MSI2: variants seen among roughly 807,000 people sequenced by gnomAD.
The protein encoded by MSI2 is RNA-binding protein Musashi homolog 2.
In MSI2, 17 loss-of-function variants were observed where a neutral mutation model predicts 45.6. The ratio of observed to expected loss-of-function variants is 0.37; its 90% CI spans 0.26 to 0.56. The LOEUF is 0.56. Ranked by LOEUF, MSI2 falls within the 20% of genes least tolerant of loss-of-function variation. MSI2 has a pLI of 0.77. For missense variants in MSI2, 293 were observed against 444.2 expected (o/e 0.66, Z 3.06); for synonymous variants, 156 against 158.2 (o/e 0.99, Z 0.11).
chr17:57,529,744 A>C lies in MSI2; in HGVS notation c.454+20A>C, dbSNP rs746530645. ...ACAGAGGTAAGATTACCCCAGTGTA[A>C]GAGGGTTGCGTTCACCCTCTCCTGG... On this transcript the variant is annotated intron_variant, in intron 7 of 13. Transcript: ENST00000284073. The surrounding 1 kb of genome is among the most constrained non-coding windows in gnomAD (Gnocchi z 5.3). The C allele has an allele frequency of 6.2e-7, 1 of 1,608,318 alleles. No homozygotes were observed. Among genetic ancestry groups the C allele is most frequent in the Admixed American group, 1.7e-5 (1 of 58,528 alleles).
chr17:57,624,686 G>A (rs1908635311), intron 9 of MSI2, among the ~76,000 whole-genome samples: 1 of 152,132 alleles, frequency 6.6e-6, no homozygotes, highest in Non-Finnish European at 1.5e-5. Context: ...CCCTGTGGAG[G>A]TAGAGACAGT....
intron 7 of MSI2, among the ~76,000 whole-genome samples, chr17:57,559,269 G>A (rs1357214511): frequency 6.6e-6 from 1 of 152,216 alleles, no homozygotes; most frequent in Admixed American, 6.5e-5. Flanking sequence ...CATTTGGAAA[G>A]TTAATGCTAA....
intron 6 of MSI2, among the ~76,000 whole-genome samples, chr17:57,406,646 C>A (rs941175323): frequency 1.3e-5 from 2 of 150,830 alleles, no homozygotes; most frequent in Non-Finnish European, 3.0e-5. Context: ...AAGACTTATG[C>A]TTAGTCATTG....
chr17:57,493,403 C>T (rs1391505670), intron 6 of MSI2, among the ~76,000 whole-genome samples: 1 of 152,030 alleles, frequency 6.6e-6, no homozygotes, highest in Non-Finnish European at 1.5e-5. Flanking sequence ...TCACTTGCCA[C>T]CTCCCCTTCC....
chr17:57,282,228 A>G (rs1449388300), intron 5 of MSI2, among the ~76,000 whole-genome samples: 1 of 152,146 alleles, frequency 6.6e-6, no homozygotes, highest in Non-Finnish European at 1.5e-5. Flanking sequence ...AGAAGCACCC[A>G]CAGAGGCTTT....
intron 5 of MSI2, among the ~76,000 whole-genome samples, chr17:57,389,083 A>T (rs1442858213): frequency 6.6e-6 from 1 of 150,888 alleles, no homozygotes; most frequent in Non-Finnish European, 1.5e-5. Context: ...GATTCAAGCA[A>T]TTCTTCTGCC....
At chr17:57,313,892 C>G (rs1598107018) in intron 5 of MSI2, among the ~76,000 whole-genome samples, 2 of 152,278 alleles carry the variant, frequency 1.3e-5, no homozygotes, top group Non-Finnish European at 1.5e-5. Context: ...CGGGCAGTGT[C>G]CCAGAGGAGG....
At chr17:57,584,439 C>G (rs2088289235) in intron 7 of MSI2, among the ~76,000 whole-genome samples, 1 of 152,202 alleles carries the variant, frequency 6.6e-6, no homozygotes, top group Non-Finnish European at 1.5e-5. Flanking sequence ...GGCAGTGTAG[C>G]CGGGTGGGGT....
chr17:57,581,598 T>C (rs1278612901), intron 7 of MSI2, among the ~76,000 whole-genome samples: 1 of 152,188 alleles, frequency 6.6e-6, no homozygotes, highest in Non-Finnish European at 1.5e-5. Flanking sequence ...CTTGAGTCGC[T>C]GTCTCGTGAG....
At chr17:57,597,822 G>T (rs1223717227) in intron 8 of MSI2, among the ~76,000 whole-genome samples, 1 of 152,122 alleles carries the variant, frequency 6.6e-6, no homozygotes, top group African/African-American at 2.4e-5. Context: ...TTCTCTTTGG[G>T]TCCTGCTGGA....
intron 6 of MSI2, among the ~76,000 whole-genome samples, chr17:57,505,079 T>A (rs1200400929): frequency 6.6e-6 from 1 of 152,078 alleles, no homozygotes; most frequent in African/African-American, 2.4e-5. Context: ...TTGGGGTCAC[T>A]AGTTGAAATG....
intron 7 of MSI2, among the ~76,000 whole-genome samples, chr17:57,555,980 C>T (rs2087427464): frequency 6.6e-6 from 1 of 152,204 alleles, no homozygotes; most frequent in South Asian, 2.1e-4. Context: ...GGAGACCATG[C>T]CTCAGGCACT....
chr17:57,370,471 C>T (rs1248823279), intron 5 of MSI2, among the ~76,000 whole-genome samples: 1 of 152,140 alleles, frequency 6.6e-6, no homozygotes, highest in Non-Finnish European at 1.5e-5. Context: ...GGCTGCTGTC[C>T]CATCTGTGGC....
chr17:57,332,019 T>C (rs1001778066), intron 5 of MSI2, among the ~76,000 whole-genome samples: 7 of 152,048 alleles, frequency 4.6e-5, no homozygotes, highest in African/African-American at 1.4e-4. Flanking sequence ...AATTTAATAA[T>C]AGAAAAGTTT....
intron 5 of MSI2, among the ~76,000 whole-genome samples, chr17:57,383,868 C>T (rs565277817): frequency 4.9e-4 from 74 of 152,180 alleles, no homozygotes; most frequent in Admixed American, 1.8e-3. Flanking sequence ...ACTGCCAGGT[C>T]ACTCCACGGC....
chr17:57,577,294 G>T (rs1271685771), intron 7 of MSI2, among the ~76,000 whole-genome samples: 1 of 152,192 alleles, frequency 6.6e-6, no homozygotes, highest in Non-Finnish European at 1.5e-5. Context: ...GTACCGAGGG[G>T]TGATGCCCCT....
In MSI2 at chr17:57,552,302, C is replaced by G. The variant is rs1177973672; in HGVS notation, c.454+22578C>G. 6.6e-6 allele frequency among the ~76,000 whole-genome samples: 1 copy of G among 152,188 alleles called. No homozygotes were observed. The highest frequency in any genetic ancestry group is 1.5e-5 in the Non-Finnish European group (1 of 68,042). ...TTCACTGGTCTGTAATTCCTGACTCCCTTCCTGAGAGAGTCCTGGGAACTG... is the reference window on the plus strand; with the variant it reads ...TTCACTGGTCTGTAATTCCTGACTCGCTTCCTGAGAGAGTCCTGGGAACTG... On this transcript the variant is annotated intron_variant, in intron 7 of 13. Coordinates refer to ENST00000284073, the MANE Select transcript of MSI2 (RefSeq NM_138962.4). The surrounding 1 kb of genome is among the most constrained non-coding windows in gnomAD (Gnocchi z 4.3).
At chr17:57,521,874 G>A (rs913110347) in intron 6 of MSI2, among the ~76,000 whole-genome samples, 1 of 152,152 alleles carries the variant, frequency 6.6e-6, no homozygotes, top group Non-Finnish European at 1.5e-5. Flanking sequence ...GAACCAATGG[G>A]ATTTTCCAGT....
At chr17:57,476,851 C>A (rs1347230530) in intron 6 of MSI2, among the ~76,000 whole-genome samples, 1 of 152,158 alleles carries the variant, frequency 6.6e-6, no homozygotes, top group Non-Finnish European at 1.5e-5. Flanking sequence ...TTTTCCAGAG[C>A]CAAGTAAGGA....
Sources: gnomAD v4.1 joint callset for allele counts (sites outside exome capture counted in the v4.1 genomes callset) on GRCh38, gnomAD v4.1.1 for gene constraint, Gnocchi (gnomAD v3.1) non-coding constraint, MANE v1.5 for transcripts, NCBI Gene and HGNC (gene_info 2026-07-23, HGNC 2026-07-21) for gene names.